Variants in SMYD2 observed in about 807,000 individuals in gnomAD.
The protein encoded by SMYD2 is SET and MYND domain containing 2.
SMYD2 carries 53 observed loss-of-function variants against 59.1 expected under a neutral mutation model. The ratio of observed to expected loss-of-function variants is 0.90; its 90% CI spans 0.72 to 1.13. SMYD2 has a LOEUF of 1.13. Among genes scored for constraint, SMYD2 ranks in the 50% most tolerant of loss-of-function variants. SMYD2 has a pLI of 0.00. For missense variants in SMYD2, 494 were observed against 544.7 expected (o/e 0.91, Z 0.93); for synonymous variants, 208 against 198.8 (o/e 1.05, Z -0.39).
intron 1 of SMYD2, among the ~76,000 whole-genome samples, chr1:214,298,467 A>G (rs1373496029): frequency 6.6e-6 from 1 of 152,240 alleles, no homozygotes; most frequent in Admixed American, 6.5e-5. Flanking sequence ...CACCTAGGAA[A>G]TACCATTCTG....
Position 214,304,997 on chromosome 1 carries a change from GACTC to G in SMYD2, c.174-181_174-178del, listed in dbSNP as rs894930262. The stretch of plus-strand genomic sequence containing the variant: ...GTAAATGTGAGTGCATGCACTATTT[GACTC>G]ACTCACTCCTCAAGGGCTGAATCTG... On this transcript the variant is annotated intron_variant, in intron 1 of 11. Transcript: ENST00000366957. Among the ~76,000 whole-genome samples, 8 of 152,218 alleles carry G rather than the reference GACTC, an allele frequency of 5.3e-5. No individual in the cohort carries two copies. The South Asian group carries it at 6.2e-4, about 12-fold the overall frequency.
At chr1:214,282,158 A>G (rs1656461711) in intron 1 of SMYD2, among the ~76,000 whole-genome samples, 1 of 152,220 alleles carries the variant, frequency 6.6e-6, no homozygotes, top group Non-Finnish European at 1.5e-5. Context: ...GTTTGTATAT[A>G]TGATGCATAT....
At chr1:214,302,066 G>A (rs889766477) in intron 1 of SMYD2, among the ~76,000 whole-genome samples, 2 of 152,164 alleles carry the variant, frequency 1.3e-5, no homozygotes, top group Admixed American at 6.5e-5. Flanking sequence ...TTCCAGCCAG[G>A]CGCGGTATCT....
intron 1 of SMYD2, among the ~76,000 whole-genome samples, chr1:214,287,155 T>C (rs1279237141): frequency 1.3e-5 from 2 of 152,084 alleles, no homozygotes; most frequent in Non-Finnish European, 2.9e-5. Context: ...TGATGAACTC[T>C]GCTGGCTAAA....
At position 214,312,855 on chromosome 1, in the gene SMYD2, G is replaced by A. The variant is rs1657019274; in HGVS notation, c.238-1907G>A. On this transcript the variant is annotated intron_variant, in intron 2 of 11. Transcript: ENST00000366957. The surrounding 1 kb of genome is among the most constrained non-coding windows in gnomAD (Gnocchi z 4.1). The stretch of plus-strand genomic sequence containing the variant: ...TAGGTTTTGAGCTGAGGACTGGCCT[G>A]ATCCGAGTTTTGTCAACAGAATCCC... Among the ~76,000 whole-genome samples, 2 of 152,224 alleles carry A rather than the reference G, an allele frequency of 1.3e-5. No individual in the cohort carries two copies. Among genetic ancestry groups the A allele is most frequent in the African/African-American group, 4.8e-5 (2 of 41,446 alleles).
At position 214,318,251 on chromosome 1, in the gene SMYD2, TTTGA is replaced by T; in HGVS notation, c.409+115_409+118del. 1 of 956,208 alleles carries T rather than the reference TTTGA, an allele frequency of 1.0e-6. No homozygotes were observed. The highest frequency in any genetic ancestry group is 1.6e-6 in the Non-Finnish European group (1 of 635,842). The allele number at this position is 956,208 out of a possible 1,614,324, so 59.2% of individuals were successfully genotyped here. A position where few individuals can be genotyped will look rare whatever the true frequency, so the allele number is the denominator to read the frequency against. On this transcript the variant is annotated intron_variant, in intron 4 of 11. Transcript: ENST00000366957. This position sits in a 1 kb window ranked among gnomAD's most constrained non-coding sequence, Gnocchi z 5.4. ...TTGTGCTCAGAGGAGTAGTGATTTCTTTGATTACTAGTTTTTATTTTTACTCTTG... is the reference window on the plus strand; with the variant it reads ...TTGTGCTCAGAGGAGTAGTGATTTCTTTACTAGTTTTTATTTTTACTCTTG...
At chr1:214,326,482 C>T (rs1402820512) in intron 6 of SMYD2, among the ~76,000 whole-genome samples, 1 of 151,918 alleles carries the variant, frequency 6.6e-6, no homozygotes, top group African/African-American at 2.4e-5. Flanking sequence ...ATTTGATTTC[C>T]TAGGACCTGA....
chr1:214,287,238 G>T (rs982756607), intron 1 of SMYD2, among the ~76,000 whole-genome samples: 4 of 151,978 alleles, frequency 2.6e-5, no homozygotes, highest in African/African-American at 9.7e-5. Flanking sequence ...TTGTGGGGAG[G>T]GGTGAACACT....
At position 214,323,215 on chromosome 1, in the gene SMYD2, G is replaced by C. The variant is rs190505366; in HGVS notation, c.535-1426G>C. 2.0e-5 allele frequency among the ~76,000 whole-genome samples: 3 copies of C among 152,238 alleles called. No homozygotes were observed. In the East Asian group the frequency reaches 5.8e-4, roughly 29 times the overall value. On this transcript the variant is annotated intron_variant, in intron 5 of 11. Coordinates refer to ENST00000366957, the MANE Select transcript of SMYD2 (RefSeq NM_020197.3). ...CTACCGAATTGTCTCCTAATAGTCT[G>C]ATTTTCTTTGAGGCCACAAATTTTC...
At chr1:214,328,607 T>C (rs1657299322) in intron 7 of SMYD2, among the ~76,000 whole-genome samples, 1 of 152,246 alleles carries the variant, frequency 6.6e-6, no homozygotes, top group Admixed American at 6.5e-5. Context: ...TTTAGCAATT[T>C]GTAATGCTAT....
intron 2 of SMYD2, among the ~76,000 whole-genome samples, chr1:214,311,273 G>A (rs559828128): frequency 7.2e-5 from 11 of 152,310 alleles, no homozygotes; most frequent in South Asian, 4.1e-4. Flanking sequence ...GCCGGGCACC[G>A]TTCTGAGTGC....
chr1:214,303,924 G>A (rs538669490), intron 1 of SMYD2, among the ~76,000 whole-genome samples: 1 of 152,252 alleles, frequency 6.6e-6, no homozygotes, highest in Non-Finnish European at 1.5e-5. Flanking sequence ...CTTCACCGGG[G>A]TGGGCAAGAG....
At chr1:214,289,554 T>G (rs1224408971) in intron 1 of SMYD2, among the ~76,000 whole-genome samples, 1 of 152,186 alleles carries the variant, frequency 6.6e-6, no homozygotes, top group Non-Finnish European at 1.5e-5. Context: ...GCAAGGCAAA[T>G]TTGATTTTTC....
intron 7 of SMYD2, among the ~76,000 whole-genome samples, chr1:214,328,132 T>A (rs1368735412): frequency 6.6e-6 from 1 of 152,180 alleles, no homozygotes; most frequent in Non-Finnish European, 1.5e-5. Context: ...TATTTTATTT[T>A]TTTTGGTGAA....
intron 1 of SMYD2, among the ~76,000 whole-genome samples, chr1:214,288,938 C>CA (rs1553253931): frequency 3.7e-5 from 5 of 136,730 alleles, no homozygotes; most frequent in Admixed American, 7.4e-5. Context: ...AGCCCATAGT[C>CA]TTTTTTTTTT....
chr1:214,299,287 T>G (rs1656782388), intron 1 of SMYD2, among the ~76,000 whole-genome samples: 2 of 152,102 alleles, frequency 1.3e-5, no homozygotes, highest in South Asian at 4.1e-4. Flanking sequence ...TCAAAGGACT[T>G]AAAACAGAAC....
intron 5 of SMYD2, 37 bp downstream of exon 5, chr1:214,319,020 C>T: frequency 1.2e-6 from 2 of 1,607,802 alleles, no homozygotes; most frequent in Non-Finnish European, 1.7e-6. Flanking sequence ...TCAGTCTGGC[C>T]TTTCCCTCTC....
At chr1:214,286,929 A>G (rs1656558057) in intron 1 of SMYD2, among the ~76,000 whole-genome samples, 1 of 151,262 alleles carries the variant, frequency 6.6e-6, no homozygotes, top group Admixed American at 6.6e-5. Flanking sequence ...CCGCTGTTCA[A>G]GTGATTCTCC....
intron 1 of SMYD2, among the ~76,000 whole-genome samples, chr1:214,290,830 A>G (rs1656624259): frequency 6.6e-6 from 1 of 152,190 alleles, no homozygotes; most frequent in African/African-American, 2.4e-5. Flanking sequence ...TAATCTGAGT[A>G]CCAAGAAAGA....
Sources: allele counts gnomAD v4.1 joint callset (sites outside exome capture counted in the v4.1 genomes callset), GRCh38; gene constraint gnomAD v4.1.1; non-coding constraint Gnocchi (gnomAD v3.1); transcripts MANE v1.5; gene names NCBI Gene and HGNC (gene_info 2026-07-23, HGNC 2026-07-21).